HDAC2: variants seen among roughly 807,000 people sequenced by gnomAD.
The protein encoded by HDAC2 is histone deacetylase 2.
A neutral mutation model predicts 68.5 loss-of-function variants in HDAC2; 5 were observed. The ratio of observed to expected loss-of-function variants is 0.07; its 90% confidence interval spans 0.04 to 0.15. The LOEUF is 0.15. Ranked by LOEUF, HDAC2 falls within the 10% of genes least tolerant of loss-of-function variation. The probability of loss-of-function intolerance (pLI) is 1.00; values close to 1 mark genes in which losing one functional copy is unlikely to be tolerated. For missense variants in HDAC2, 291 were observed against 600.8 expected, an observed-to-expected ratio of 0.48 and a Z score of 5.39; for synonymous variants, 182 against 191.3, an observed-to-expected ratio of 0.95 and a Z score of 0.40.
rs1174983890 is a variant in HDAC2, at chr6:113,970,942, C to T, written c.-34G>A. 6.4e-7 allele frequency: 1 copy of T among 1,554,616 alleles called. No individual in the cohort carries two copies. The highest frequency in any genetic ancestry group is 8.7e-7 in the Non-Finnish European group (1 of 1,149,088). Reference sequence around the variant, plus strand: ...CGGCCACCGCCGCCACCGGGCTCCTCCTCCTGCTGCTGCTGCTGCTGCTGC... The same window carrying T: ...CGGCCACCGCCGCCACCGGGCTCCTTCTCCTGCTGCTGCTGCTGCTGCTGC... On this transcript the variant is annotated 5_prime_UTR_variant, in exon 1 of 14. Transcript: ENST00000519065.
At position 113,945,996 on chromosome 6, in the gene HDAC2, G is replaced by C; in HGVS notation, c.982+12C>G. Reference sequence around the variant, plus strand: ...GTTCATACAATAAAGATATTGTAATGAGAACACTTACCATTGGGAATCTCA... The same window carrying C: ...GTTCATACAATAAAGATATTGTAATCAGAACACTTACCATTGGGAATCTCA... On this transcript the variant is annotated intron_variant, in intron 9 of 13. Coordinates refer to ENST00000519065, the MANE Select transcript of HDAC2 (RefSeq NM_001527.4). 1 of 1,602,742 alleles carries C rather than the reference G, an allele frequency of 6.2e-7. No individual in the cohort carries two copies. The highest frequency in any genetic ancestry group is 8.5e-7 in the Non-Finnish European group (1 of 1,170,088).
intron 1 of HDAC2, chr6:113,970,434 G>A: frequency 1.9e-6 from 2 of 1,027,780 alleles, no homozygotes; most frequent in Non-Finnish European, 2.3e-6. Flanking sequence ...TTGCCTCGCG[G>A]GGGACGGGTC....
At chr6:113,964,031 G>A (rs547240122) in intron 1 of HDAC2, among the ~76,000 whole-genome samples, 4 of 152,174 alleles carry the variant, frequency 2.6e-5, no homozygotes, top group Admixed American at 2.0e-4. Flanking sequence ...CCTAGAGTTT[G>A]GGTGGCATGA....
At chr6:113,961,939 A>T (rs1201853607) in intron 1 of HDAC2, among the ~76,000 whole-genome samples, 1 of 152,178 alleles carries the variant, frequency 6.6e-6, no homozygotes, top group Non-Finnish European at 1.5e-5. Flanking sequence ...GCCTCTGTGT[A>T]ACAATTACCC....
intron 6 of HDAC2, among the ~76,000 whole-genome samples, chr6:113,949,873 C>G (rs574283655): frequency 8.5e-5 from 13 of 152,234 alleles, no homozygotes; most frequent in African/African-American, 3.1e-4. Context: ...CCTCCGCCTC[C>G]CAGGTTCAAG....
At chr6:113,965,615 C>A (rs994681003) in intron 1 of HDAC2, among the ~76,000 whole-genome samples, 7 of 152,170 alleles carry the variant, frequency 4.6e-5, no homozygotes, top group African/African-American at 1.7e-4. Context: ...TTGTGATCTG[C>A]CCGCCTCGGC....
At chr6:113,947,584 AAG>A (rs1301606891) in intron 8 of HDAC2, 1 of 152,208 alleles carries the variant, frequency 6.6e-6, no homozygotes, top group East Asian at 1.9e-4. Context: ...TTTCAAGTCA[AAG>A]AGGAAAACTG....
At chr6:113,953,891 A>C (rs997680754) in intron 5 of HDAC2, among the ~76,000 whole-genome samples, 1 of 152,240 alleles carries the variant, frequency 6.6e-6, no homozygotes, top group Admixed American at 6.5e-5. Context: ...CCAAAACAAG[A>C]GTATTTTCTG....
At chr6:113,956,283 T>C (rs1448969605) in intron 4 of HDAC2, 132 bp from the exon 5 acceptor site, 6 of 751,246 alleles carry the variant, frequency 8.0e-6, no homozygotes, top group Non-Finnish European at 1.3e-5. Context: ...AGAAATCATC[T>C]ATAACACAAA....
In HDAC2 at chr6:113,949,223, T is replaced by C. The variant is rs569879836; in HGVS notation, c.677A>G (p.Asn226Ser). The C allele has an allele frequency of 1.0e-5, 16 of 1,606,760 alleles. No individual in the cohort carries two copies. Among genetic ancestry groups the C allele is most frequent in the Admixed American group, 1.7e-5 (1 of 60,000 alleles). Residue 226 changes from asparagine (N) to serine (S), a missense_variant, in exon 7 of 14, where the codon AAT becomes AGT. Coordinates refer to ENST00000519065, the MANE Select transcript of HDAC2 (RefSeq NM_001527.4). ...ATCTATACCATCTCTCATTGGAAAA[T>C]TGACAGCATAGTATTTGCCTTTTCC... ...GAGKGKYYAVNFPMRDGIDDE... is the reference protein window; with the variant it reads ...GAGKGKYYAVSFPMRDGIDDE...
At chr6:113,953,146 A>G in intron 6 of HDAC2, 131 bp downstream of exon 6, 1 of 654,954 alleles carries the variant, frequency 1.5e-6, no homozygotes, top group South Asian at 2.4e-5. Flanking sequence ...ATGTTACTGC[A>G]TACGTAGTAA....
chr6:113,960,309 T>C (rs1249915006), intron 1 of HDAC2, among the ~76,000 whole-genome samples: 3 of 152,086 alleles, frequency 2.0e-5, no homozygotes, highest in African/African-American at 7.2e-5. Context: ...TTTCTGTTCC[T>C]TGAAATGATG....
intron 8 of HDAC2, chr6:113,947,756 C>T (rs1045252769): frequency 4.6e-5 from 7 of 152,074 alleles, no homozygotes; most frequent in African/African-American, 1.7e-4. Flanking sequence ...TAATATCATT[C>T]CACTTAACAT....
intron 8 of HDAC2, chr6:113,948,369 G>A (rs1367790859): frequency 6.6e-6 from 1 of 152,262 alleles, no homozygotes; most frequent in Non-Finnish European, 1.5e-5. Context: ...AGATGAGAAG[G>A]CTGTTTTTCA....
chr6:113,967,671 C>T (rs1776855769), intron 1 of HDAC2, among the ~76,000 whole-genome samples: 2 of 152,116 alleles, frequency 1.3e-5, no homozygotes, highest in Admixed American at 6.5e-5. Context: ...AAAGCATAAA[C>T]ATGTCTAGAT....
At chr6:113,957,631 C>T (rs1582490983) in intron 3 of HDAC2, among the ~76,000 whole-genome samples, 2 of 151,858 alleles carry the variant, frequency 1.3e-5, no homozygotes, top group African/African-American at 2.4e-5. Flanking sequence ...ATTACAGGCG[C>T]GCACCACCAC....
At chr6:113,942,656 C>G (rs1230869532) in intron 12 of HDAC2, among the ~76,000 whole-genome samples, 2 of 152,046 alleles carry the variant, frequency 1.3e-5, no homozygotes, top group Non-Finnish European at 2.9e-5. Context: ...GCAGCTCAGT[C>G]TAGTAGGGAG....
intron 1 of HDAC2, among the ~76,000 whole-genome samples, chr6:113,965,093 T>C (rs935684840): frequency 1.3e-5 from 2 of 152,230 alleles, no homozygotes; most frequent in Admixed American, 6.5e-5. Flanking sequence ...TGCATTCTAT[T>C]TGAGAAACTT....
In HDAC2 at chr6:113,941,047, G is replaced by C. The variant is rs760785375; in HGVS notation, c.*11C>G. ...TTTAATGATTTTCTGAAATTGGTGAGACTGTCAAATTCAGGGGTTGCTGAG... is the reference window on the plus strand; with the variant it reads ...TTTAATGATTTTCTGAAATTGGTGACACTGTCAAATTCAGGGGTTGCTGAG... On this transcript the variant is annotated 3_prime_UTR_variant, in exon 14 of 14. Transcript: ENST00000519065. 3.8e-6 allele frequency: 6 copies of C among 1,599,446 alleles called. No individual in the cohort carries two copies. Among genetic ancestry groups the C allele is most frequent in the Non-Finnish European group, 5.1e-6 (6 of 1,170,808 alleles).
Sources: allele counts gnomAD v4.1 joint callset (sites outside exome capture counted in the v4.1 genomes callset), GRCh38; gene constraint gnomAD v4.1.1; transcripts MANE v1.5; gene names NCBI Gene and HGNC (gene_info 2026-07-23, HGNC 2026-07-21).